The following YLPM1 variants were observed in gnomAD, a reference collection of about 807,000 sequenced individuals.
YLPM1 encodes YLP motif containing 1, also known as YLP motif-containing protein 1.
YLPM1 carries 99 observed loss-of-function variants against 230.0 expected under a neutral mutation model. The ratio of observed to expected loss-of-function variants is 0.43; its 90% CI spans 0.37 to 0.51. The LOEUF (loss-of-function observed/expected upper bound fraction) is 0.51, where lower values mean the gene tolerates loss of function less well. Among genes scored for constraint, YLPM1 ranks in the 20% least tolerant of loss-of-function variants. The pLI is 0.00. For missense variants in YLPM1, 2,592 were observed against 2,707.7 expected, an observed-to-expected ratio of 0.96 and a Z score of 0.95; for synonymous variants, 984 against 942.5, an observed-to-expected ratio of 1.04 and a Z score of -0.81.
chr14:74,787,731 G>A (rs2091163569), intron 4 of YLPM1, among the ~76,000 whole-genome samples: 1 of 151,976 alleles, frequency 6.6e-6, no homozygotes, highest in South Asian at 2.1e-4. Context: ...TAAGAATAAA[G>A]GGGCCGGGCA....
intron 4 of YLPM1, among the ~76,000 whole-genome samples, chr14:74,782,848 A>G (rs913642989): frequency 1.3e-5 from 2 of 152,218 alleles, no homozygotes; most frequent in African/African-American, 4.8e-5. Flanking sequence ...AGCAGAACAC[A>G]TAAAATTCCT....
Position 74,798,196 on chromosome 14 carries a change from G to A in YLPM1, c.2899G>A (p.Gly967Arg). The A allele has an allele frequency of 6.2e-7, 1 of 1,613,962 alleles. No homozygotes were observed. The highest frequency in any genetic ancestry group is 8.5e-7 in the Non-Finnish European group (1 of 1,179,888). The change falls in exon 5 of 21, where the codon GGA becomes AGA. Residue 967 changes from glycine to arginine, a missense_variant. Gly to Arg is a moderately radical substitution (Grantham distance 125). Around this residue, in one of 4 missense-constraint regions of YLPM1, gnomAD observed 1,862 missense variants for 1,819.8 expected, o/e 1.02. Coordinates refer to ENST00000325680, the MANE Select transcript of YLPM1 (RefSeq NM_019589.3). ...TFPSKTGGMEGGTAVATSSLT... is the reference protein window; with the variant it reads ...TFPSKTGGMERGTAVATSSLT... ...TCCTTCAAAAACAGGGGGGATGGAG[G>A]GAGGAACAGCAGTAGCAACATCATC...
chr14:74,816,752 T>C, intron 13 of YLPM1, 62 bp downstream of exon 13: 2 of 1,527,458 alleles, frequency 1.3e-6, no homozygotes, highest in Non-Finnish European at 1.8e-6. Flanking sequence ...AAAATGTGTT[T>C]GGAGAGAAAT....
chr14:74,827,244 C>T (rs2091571129), intron 18 of YLPM1: 5 of 790,168 alleles, frequency 6.3e-6, no homozygotes, highest in African/African-American at 1.9e-5. Flanking sequence ...CATCTTAAAA[C>T]TTCATCTTTT....
Position 74,809,423 on chromosome 14 carries a change from C to G in YLPM1, c.4565C>G (p.Pro1522Arg). The change falls in exon 7 of 21, where the codon CCA becomes CGA. Residue 1522 changes from proline (P) to arginine (R), a missense_variant. This residue lies in a region of YLPM1 where 403 missense variants were observed against 426.7 expected (regional missense o/e 0.94). Coordinates refer to ENST00000325680, the MANE Select transcript of YLPM1 (RefSeq NM_019589.3). Reference protein sequence around the residue: ...YRPPPPMGKPPGSIVRPSAPP... With the variant: ...YRPPPPMGKPRGSIVRPSAPP... ...CCTCCCCCTCCTATGGGCAAACCAC[C>G]AGGTTCAATTGTAAGACCCTCTGCT... The G allele has an allele frequency of 4.4e-6, 7 of 1,608,212 alleles. No individual in the cohort carries two copies. Among genetic ancestry groups the G allele is most frequent in the Non-Finnish European group, 5.9e-6 (7 of 1,176,982 alleles).
At chr14:74,778,744 A>AT in intron 2 of YLPM1, 61 bp downstream of exon 2, 3 of 1,430,128 alleles carry the variant, frequency 2.1e-6, no homozygotes, top group Non-Finnish European at 2.8e-6. Flanking sequence ...TGATTCATTT[A>AT]GTATACTTTT....
At chr14:74,770,039 G>A (rs879695030) in intron 1 of YLPM1, among the ~76,000 whole-genome samples, 12 of 151,824 alleles carry the variant, frequency 7.9e-5, no homozygotes, top group African/African-American at 2.7e-4. Context: ...AAAATTAGCC[G>A]GGCGTGGTGG....
intron 1 of YLPM1, among the ~76,000 whole-genome samples, chr14:74,774,916 A>G (rs534486083): frequency 6.6e-6 from 1 of 152,334 alleles, no homozygotes; most frequent in Non-Finnish European, 1.5e-5. Flanking sequence ...GTCCAGCATC[A>G]CAAGAGAGTA....
At chr14:74,764,414 A>C in intron 1 of YLPM1, 52 bp downstream of exon 1, 1 of 1,513,498 alleles carries the variant, frequency 6.6e-7, no homozygotes, top group South Asian at 1.3e-5. Context: ...GCCCTGAATG[A>C]GCAGGCCTCA....
At chr14:74,769,123 T>G (rs950034508) in intron 1 of YLPM1, among the ~76,000 whole-genome samples, 3 of 151,504 alleles carry the variant, frequency 2.0e-5, no homozygotes, top group African/African-American at 7.2e-5. Context: ...TTGCCCAGGC[T>G]GGAGTGCAGT....
chr14:74,831,165 T>C (rs1037093112), intron 19 of YLPM1, among the ~76,000 whole-genome samples: 2 of 152,268 alleles, frequency 1.3e-5, no homozygotes, highest in African/African-American at 4.8e-5. Context: ...GTGCATCATT[T>C]ATCTTTATGC....
At chr14:74,776,856 T>C (rs942967809) in intron 1 of YLPM1, among the ~76,000 whole-genome samples, 2 of 151,850 alleles carry the variant, frequency 1.3e-5, no homozygotes, top group Non-Finnish European at 2.9e-5. Context: ...TCCAGGAGTT[T>C]GAAACCAGCC....
intron 1 of YLPM1, among the ~76,000 whole-genome samples, chr14:74,772,822 A>AT (rs370296279): frequency 1.3e-5 from 2 of 151,962 alleles, no homozygotes; most frequent in African/African-American, 2.4e-5. Context: ...AAGTTCAGGC[A>AT]TTTTTTTTCT....
rs1309278238 is a variant in YLPM1 at position 74,780,580 on chromosome 14, T to C, written c.1286T>C (p.Ile429Thr). ...YQQIIQPPPH[I>T]QTMSVDMQLR... ...CAGATTATACAGCCCCCACCACATA[T>C]ACAGGCAAGTGCTTCCATAGTCCAC... is the stretch of plus-strand genomic sequence containing the variant. Residue 429 changes from isoleucine to threonine, a missense_variant, in exon 3 of 21, where the codon ATA becomes ACA. Ile to Thr is a moderately conservative substitution (Grantham distance 89). Transcript: ENST00000325680. The C allele has an allele frequency of 8.1e-6, 13 of 1,607,950 alleles. No individual in the cohort carries two copies. Among genetic ancestry groups the C allele is most frequent in the African/African-American group, 1.3e-5 (1 of 74,794 alleles).
In YLPM1 at chr14:74,781,780, T is replaced by A; in HGVS notation, c.1737T>A (p.Pro579=). 1.9e-6 allele frequency: 3 copies of A among 1,603,276 alleles called. No individual in the cohort carries two copies. Among genetic ancestry groups the A allele is most frequent in the Non-Finnish European group, 2.5e-6 (3 of 1,177,420 alleles). The part of the protein sequence containing the change: ...LPTSVPPPGM[P]PSLSSAGPPP... The stretch of plus-strand genomic sequence containing the variant: ...CCTCTGTTCCCCCACCAGGGATGCC[T>A]CCTTCTCTCTCTTCTGCAGGGCCAC... The change falls in exon 4 of 21, where the codon CCT becomes CCA. Residue 579 remains proline, a synonymous_variant. Coordinates refer to ENST00000325680, the MANE Select transcript of YLPM1 (RefSeq NM_019589.3).
At chr14:74,777,409 T>G (rs2091052324) in intron 1 of YLPM1, among the ~76,000 whole-genome samples, 1 of 150,736 alleles carries the variant, frequency 6.6e-6, no homozygotes, top group African/African-American at 2.4e-5. Context: ...CTACTAAAAA[T>G]AAAAAAATTT....
rs2091278998 is a variant in YLPM1 at position 74,797,797 on chromosome 14, G to A, written c.2500G>A (p.Gly834Arg). ...TACATCCCTAAGTCCTCGACAGAGT[G>A]GACCACAGTGGAAAGGCCCCAAACC... The part of the protein sequence containing the change: ...PSTSLSPRQS[G>R]PQWKGPKPAF... Residue 834 changes from glycine to arginine, a missense_variant, in exon 5 of 21, where the codon GGA becomes AGA. By Grantham distance (125) the Gly-to-Arg change is moderately radical. Transcript: ENST00000325680. 6.2e-7 allele frequency: 1 copy of A among 1,613,760 alleles called. No individual in the cohort carries two copies. Among genetic ancestry groups the A allele is most frequent in the African/African-American group, 1.3e-5 (1 of 74,856 alleles).
At position 74,768,571 on chromosome 14, in the gene YLPM1, ATT is replaced by A. The variant is rs569232792; in HGVS notation, c.873+4213_873+4214del. Among the ~76,000 whole-genome samples, 22 of 152,112 alleles carry A rather than the reference ATT, an allele frequency of 1.4e-4. No homozygotes were observed. The South Asian group carries it at 3.9e-3, about 27-fold the overall frequency. ...CGGAATGTGTCTTTTTGAATAATTA[ATT>A]TTTCTATGTGTTTAAAGGACTGATT... On this transcript the variant is annotated intron_variant, in intron 1 of 20. Transcript: ENST00000325680.
chr14:74,835,221 A>G (rs752967995), intron 19 of YLPM1, 44 bp from the exon 20 acceptor site: 2 of 1,605,084 alleles, frequency 1.2e-6, no homozygotes, highest in South Asian at 2.2e-5. Flanking sequence ...CTCTTTGCAT[A>G]TTTATTTTTC....
Sources: gnomAD v4.1 joint callset for allele counts (sites outside exome capture counted in the v4.1 genomes callset) on GRCh38, gnomAD v4.1.1 for gene constraint, gnomAD v4.1.1 regional missense constraint, MANE v1.5 for transcripts, NCBI Gene and HGNC (gene_info 2026-07-23, HGNC 2026-07-21) for gene names.